Variants in KIDINS220 observed in about 807,000 individuals in gnomAD.
The protein encoded by KIDINS220 is kinase D interacting substrate 220.
Under a neutral mutation model 157.6 loss-of-function variants are expected in KIDINS220, and 63 were observed. That is an observed-to-expected ratio of 0.40 (90% CI 0.33 to 0.49). KIDINS220 has a LOEUF of 0.49. Ranked by LOEUF, KIDINS220 falls within the 20% of genes least tolerant of loss-of-function variation. The pLI is 0.66. For missense variants in KIDINS220, 1,772 were observed against 2,171.2 expected (o/e 0.82, Z 3.65); for synonymous variants, 732 against 783.6 (o/e 0.93, Z 1.10).
chr2:8,736,847 G>A (rs199801392), intron 27 of KIDINS220, 21 bp downstream of exon 27: 57 of 1,613,414 alleles, frequency 3.5e-5, no homozygotes, highest in East Asian at 1.6e-4. Flanking sequence ...TCTCTGGTCC[G>A]TGTGTAAGTG....
chr2:8,800,207 T>C, intron 9 of KIDINS220, 193 bp downstream of exon 9: 1 of 472,962 alleles, frequency 2.1e-6, no homozygotes, highest in Non-Finnish European at 3.7e-6. Flanking sequence ...TACCTCTATC[T>C]ACATTTAACT....
intron 2 of KIDINS220, among the ~76,000 whole-genome samples, chr2:8,823,548 A>G (rs1373286144): frequency 6.6e-6 from 1 of 152,118 alleles, no homozygotes; most frequent in Non-Finnish European, 1.5e-5. Flanking sequence ...ATTAAACTGG[A>G]TATGTTAATT....
downstream of KIDINS220, chr2:8,723,661 G>A (rs916190790): frequency 1.3e-5 from 2 of 152,208 alleles, no homozygotes; most frequent in African/African-American, 4.8e-5. Context: ...AAGATAACTA[G>A]CCTTGCTAAA....
intron 13 of KIDINS220, 151 bp from the exon 14 acceptor site, chr2:8,790,210 C>T: frequency 2.9e-6 from 2 of 698,938 alleles, no homozygotes; most frequent in Non-Finnish European, 2.3e-6. Context: ...ACCATTTTAC[C>T]CAGTGTTCTC....
At chr2:8,747,064 T>TA in intron 26 of KIDINS220, 81 bp downstream of exon 26, 3 of 1,251,692 alleles carry the variant, frequency 2.4e-6, no homozygotes, top group Non-Finnish European at 3.5e-6. Flanking sequence ...AGTGAGCTGC[T>TA]ATCATCACAA....
chr2:8,768,839 T>C (rs1274181370), intron 22 of KIDINS220, among the ~76,000 whole-genome samples: 1 of 152,216 alleles, frequency 6.6e-6, no homozygotes, highest in Non-Finnish European at 1.5e-5. Flanking sequence ...AGTGTCTTCC[T>C]ATAGTTTTTC....
rs748508910 is a variant in KIDINS220 at position 8,778,848 on chromosome 2, C to T, written c.2614+48G>A. The T allele has an allele frequency of 5.0e-6, 8 of 1,607,622 alleles. No homozygotes were observed. The South Asian group carries it at 7.7e-5, about 16-fold the overall frequency. On this transcript the variant is annotated intron_variant, in intron 19 of 29. Transcript: ENST00000256707. ...AAAAAGGAGAGTCGCCATAAAGAAA[C>T]TACAAAACTATTTCAAACTCAAAGT...
chr2:8,815,060 A>G (rs771965476), intron 4 of KIDINS220, among the ~76,000 whole-genome samples: 2 of 152,200 alleles, frequency 1.3e-5, no homozygotes, highest in Non-Finnish European at 2.9e-5. Context: ...TTTAACTTGT[A>G]AAATACTTGC....
At chr2:8,813,579 C>T (rs1676630745) in intron 4 of KIDINS220, among the ~76,000 whole-genome samples, 1 of 152,154 alleles carries the variant, frequency 6.6e-6, no homozygotes, top group Non-Finnish European at 1.5e-5. Flanking sequence ...AATTAGAGAA[C>T]ATTCATTATG....
intron 1 of KIDINS220, 136 bp downstream of exon 1, chr2:8,837,344 G>C (rs1206260884): frequency 3.9e-5 from 6 of 151,952 alleles, no homozygotes; most frequent in Admixed American, 3.9e-4. Flanking sequence ...CCCCCGGTCC[G>C]AGCTCGCCCC....
chr2:8,747,788 A>G (rs1449164262), intron 25 of KIDINS220, 99 bp downstream of exon 25: 5 of 563,124 alleles, frequency 8.9e-6, no homozygotes, highest in African/African-American at 3.9e-5. Context: ...GTATAAAATC[A>G]GTTGCACTCT....
In KIDINS220 at chr2:8,802,595, A is replaced by G. The variant is rs527557088; in HGVS notation, c.801+335T>C. Among the ~76,000 whole-genome samples the G allele has an allele frequency of 2.0e-5, 3 of 152,292 alleles. No individual in the cohort carries two copies. The South Asian group carries it at 6.2e-4, about 32-fold the overall frequency. On this transcript the variant is annotated intron_variant, in intron 8 of 29. Transcript: ENST00000256707. ...ATTGTAAGTTTAAGAGGCCAATTAG[A>G]CATTCAAGTGGAGCGTTCAGGTAGA... is the stretch of plus-strand genomic sequence containing the variant.
At chr2:8,834,999 C>T (rs1421619016) in intron 1 of KIDINS220, among the ~76,000 whole-genome samples, 1 of 152,092 alleles carries the variant, frequency 6.6e-6, no homozygotes, top group Non-Finnish European at 1.5e-5. Flanking sequence ...CATGCCAACA[C>T]ACCCAGATCA....
chr2:8,747,329 G>A, intron 25 of KIDINS220, 128 bp from the exon 26 acceptor site: 1 of 782,568 alleles, frequency 1.3e-6, no homozygotes, highest in Non-Finnish European at 2.2e-6. Context: ...TTTGCCTCCT[G>A]ATTTATAAAA....
At chr2:8,817,520 T>A in intron 4 of KIDINS220, 98 bp downstream of exon 4, 1 of 693,926 alleles carries the variant, frequency 1.4e-6, no homozygotes, top group Non-Finnish European at 2.2e-6. Context: ...AAAACATTAT[T>A]ATAATATCAT....
At chr2:8,756,930 T>A (rs1161934484) in intron 22 of KIDINS220, among the ~76,000 whole-genome samples, 1 of 152,178 alleles carries the variant, frequency 6.6e-6, no homozygotes, top group Middle Eastern at 3.2e-3. Context: ...CACCACGGAG[T>A]ACGATGTTAG....
At chr2:8,755,750 T>A (rs1214898607) in intron 22 of KIDINS220, among the ~76,000 whole-genome samples, 1 of 152,244 alleles carries the variant, frequency 6.6e-6, no homozygotes, top group Non-Finnish European at 1.5e-5. Context: ...CTTTCCCCCA[T>A]CAAATGGACT....
intron 20 of KIDINS220, 68 bp downstream of exon 20, chr2:8,778,571 C>T: frequency 1.0e-6 from 1 of 972,460 alleles, no homozygotes. Flanking sequence ...ATTTAAGTGG[C>T]ATCATCTTTA....
At chr2:8,810,045 G>T (rs547133484) in intron 6 of KIDINS220, among the ~76,000 whole-genome samples, 1 of 152,194 alleles carries the variant, frequency 6.6e-6, no homozygotes, top group African/African-American at 2.4e-5. Flanking sequence ...ACCTGAAGCC[G>T]TCCCCTGGTA....
Sources: allele counts gnomAD v4.1 joint callset (sites outside exome capture counted in the v4.1 genomes callset), GRCh38; gene constraint gnomAD v4.1.1; transcripts MANE v1.5; gene names NCBI Gene and HGNC (gene_info 2026-07-23, HGNC 2026-07-21).